KCNH5: variants seen among roughly 807,000 people sequenced by gnomAD.
KCNH5 encodes potassium voltage-gated channel subfamily H member 5.
KCNH5 carries 46 observed loss-of-function variants against 96.1 expected under a neutral mutation model. The observed-to-expected ratio is 0.48, with a 90% CI of 0.38 to 0.61. KCNH5 has a LOEUF of 0.61. Ranked by LOEUF, KCNH5 falls within the 20% of genes least tolerant of loss-of-function variation. KCNH5 has a pLI of 0.00. For synonymous variants in KCNH5, 439 were observed against 449.8 expected, an observed-to-expected ratio of 0.98 and a Z score of 0.30; for missense variants, 907 against 1,225.8, an observed-to-expected ratio of 0.74 and a Z score of 3.88.
intron 7 of KCNH5, among the ~76,000 whole-genome samples, chr14:62,919,235 T>C (rs1315048319): frequency 6.6e-6 from 1 of 152,176 alleles, no homozygotes; most frequent in African/African-American, 2.4e-5. Flanking sequence ...TTCTCATTTG[T>C]ATTTTCTGTA....
chr14:62,955,076 A>G (rs978976369), intron 6 of KCNH5, among the ~76,000 whole-genome samples: 8 of 151,670 alleles, frequency 5.3e-5, no homozygotes, highest in African/African-American at 1.9e-4. Context: ...TATTCATCAG[A>G]GAACTGCCAA....
chr14:62,864,958 C>T (rs1045378285), intron 7 of KCNH5, among the ~76,000 whole-genome samples: 1 of 152,146 alleles, frequency 6.6e-6, no homozygotes. Context: ...GAGGCTAATA[C>T]AGGCAGCAAC....
intron 6 of KCNH5, among the ~76,000 whole-genome samples, chr14:62,959,814 A>G (rs1266783308): frequency 6.6e-6 from 1 of 151,860 alleles, no homozygotes; most frequent in Non-Finnish European, 1.5e-5. Flanking sequence ...ACCTCTCACC[A>G]CCTCCACTGT....
chr14:62,771,807 AT>A (rs1885993539), intron 10 of KCNH5, among the ~76,000 whole-genome samples: 2 of 152,272 alleles, frequency 1.3e-5, no homozygotes, highest in Non-Finnish European at 1.5e-5. Context: ...CTCTAGAGCC[AT>A]TTGCTTAGAA....
At chr14:62,848,826 C>T (rs1004670130) in intron 8 of KCNH5, among the ~76,000 whole-genome samples, 3 of 151,938 alleles carry the variant, frequency 2.0e-5, no homozygotes, top group East Asian at 1.9e-4. Flanking sequence ...CTAATTATCA[C>T]GTGTCAAAAA....
chr14:62,830,626 G>A (rs998510312), intron 8 of KCNH5, among the ~76,000 whole-genome samples: 2 of 149,978 alleles, frequency 1.3e-5, no homozygotes, highest in African/African-American at 4.9e-5. Context: ...CAGCATGGAG[G>A]AAACCACCCC....
chr14:62,814,587 A>T (rs1290529481), intron 8 of KCNH5, among the ~76,000 whole-genome samples: 1 of 151,994 alleles, frequency 6.6e-6, no homozygotes, highest in African/African-American at 2.4e-5. Context: ...GCTTGAGACC[A>T]GCCTGGCCAA....
intron 7 of KCNH5, among the ~76,000 whole-genome samples, chr14:62,935,525 T>G (rs1385494999): frequency 6.6e-6 from 1 of 152,150 alleles, no homozygotes; most frequent in Non-Finnish European, 1.5e-5. Flanking sequence ...AAAGGTGGTG[T>G]GAATTAATAA....
At chr14:62,930,035 G>T (rs972984253) in intron 7 of KCNH5, among the ~76,000 whole-genome samples, 1 of 152,020 alleles carries the variant, frequency 6.6e-6, no homozygotes, top group Admixed American at 6.6e-5. Flanking sequence ...GTCCACCATC[G>T]ATGGACACCT....
In KCNH5 at chr14:62,864,973, G is replaced by A. The variant is rs1210170582; in HGVS notation, c.1370-15121C>T. Among the ~76,000 whole-genome samples the A allele has an allele frequency of 3.3e-5, 5 of 152,280 alleles. No individual in the cohort carries two copies. In the East Asian group the frequency reaches 7.7e-4, roughly 24 times the overall value. ...GAGGCTAATACAGGCAGCAACAGAGGAGCCTATTTTAGCAAATCTAAAAAC... is the reference window on the plus strand; with the variant it reads ...GAGGCTAATACAGGCAGCAACAGAGAAGCCTATTTTAGCAAATCTAAAAAC... On this transcript the variant is annotated intron_variant, in intron 7 of 10. Transcript: ENST00000322893.
chr14:62,754,464 T>TA (rs554374147), intron 10 of KCNH5, among the ~76,000 whole-genome samples: 1,536 of 144,050 alleles, frequency 0.011, 10 homozygotes, highest in South Asian at 0.022. Flanking sequence ...AAGGGATGAT[T>TA]AAAAAAAAAA....
chr14:62,826,682 C>A (rs75913874), intron 8 of KCNH5, among the ~76,000 whole-genome samples: 1 of 151,682 alleles, frequency 6.6e-6, no homozygotes, highest in Non-Finnish European at 1.5e-5. Context: ...CTACATATAA[C>A]CCTTAATCTT....
At chr14:62,893,649 G>A (rs1888754297) in intron 7 of KCNH5, among the ~76,000 whole-genome samples, 1 of 152,112 alleles carries the variant, frequency 6.6e-6, no homozygotes, top group African/African-American at 2.4e-5. Flanking sequence ...CCAGCTACTT[G>A]GGAGGCTAAG....
At chr14:62,944,733 A>G (rs1889853945) in intron 7 of KCNH5, among the ~76,000 whole-genome samples, 1 of 152,154 alleles carries the variant, frequency 6.6e-6, no homozygotes, top group Non-Finnish European at 1.5e-5. Context: ...AGCTTTTTAT[A>G]ATATTCTCAG....
In KCNH5 at chr14:62,856,633, A is replaced by C. The variant is rs1323145495; in HGVS notation, c.1370-6781T>G. 3.3e-5 allele frequency among the ~76,000 whole-genome samples: 5 copies of C among 152,110 alleles called. No homozygotes were observed. The East Asian group carries it at 9.6e-4, about 29-fold the overall frequency. The stretch of plus-strand genomic sequence containing the variant: ...CGGTTGGCCTTAGCACAAAGTGGAG[A>C]AGCTCATCTTCAGAAACTTCCAGTT... On this transcript the variant is annotated intron_variant, in intron 7 of 10. Transcript: ENST00000322893.
intron 7 of KCNH5, among the ~76,000 whole-genome samples, chr14:62,870,795 C>T (rs1406556432): frequency 5.9e-5 from 9 of 152,024 alleles, no homozygotes; most frequent in Non-Finnish European, 2.9e-5. Flanking sequence ...AAAAAAAACT[C>T]TCTGGCATAG....
At chr14:62,884,629 A>G (rs1888560099) in intron 7 of KCNH5, among the ~76,000 whole-genome samples, 1 of 152,182 alleles carries the variant, frequency 6.6e-6, no homozygotes. Flanking sequence ...CTGTCTCAAA[A>G]AAAGAAAGAA....
intron 1 of KCNH5, among the ~76,000 whole-genome samples, chr14:63,017,183 A>G (rs1891342599): frequency 6.6e-6 from 1 of 152,020 alleles, no homozygotes; most frequent in African/African-American, 2.4e-5. Flanking sequence ...TTTAAACGAA[A>G]CCAGTTTATA....
At chr14:62,954,452 A>C (rs1890063709) in intron 6 of KCNH5, among the ~76,000 whole-genome samples, 1 of 152,220 alleles carries the variant, frequency 6.6e-6, no homozygotes, top group South Asian at 2.1e-4. Flanking sequence ...GGCATATGGT[A>C]ATATGTTAAG....
Sources: gnomAD v4.1 joint callset for allele counts (sites outside exome capture counted in the v4.1 genomes callset) on GRCh38, gnomAD v4.1.1 for gene constraint, MANE v1.5 for transcripts, NCBI Gene and HGNC (gene_info 2026-07-23, HGNC 2026-07-21) for gene names.